Variants in TMEM132D observed in about 807,000 individuals in gnomAD.
The protein encoded by TMEM132D is mature OL transmembrane protein.
A neutral mutation model predicts 62.3 loss-of-function variants in TMEM132D; 21 were observed. The ratio of observed to expected loss-of-function variants is 0.34; its 90% confidence interval spans 0.24 to 0.49. The LOEUF is 0.49. TMEM132D is among the 20% of genes least tolerant of loss of function. TMEM132D has a pLI of 0.99. For missense variants in TMEM132D, 1,346 were observed against 1,402.8 expected (o/e 0.96, Z 0.65); for synonymous variants, 621 against 575.6 (o/e 1.08, Z -1.13).
chr12:129,814,808 T>TG (rs1264861039), intron 1 of TMEM132D, among the ~76,000 whole-genome samples: 1 of 152,064 alleles, frequency 6.6e-6, no homozygotes, highest in Non-Finnish European at 1.5e-5. Context: ...CTCCCAGGAC[T>TG]GTTGCCCAGT....
intron 3 of TMEM132D, among the ~76,000 whole-genome samples, chr12:129,425,557 C>A (rs554578330): frequency 6.6e-6 from 1 of 152,246 alleles, no homozygotes; most frequent in East Asian, 1.9e-4. Context: ...TAATGAACAA[C>A]CTGGCAGTCA....
Position 129,337,743 on chromosome 12 carries a change from T to C in TMEM132D, c.1190A>G (p.Gln397Arg). ...GTACTCGACCTGCCACGTGACCAGC[T>C]GTGTGGCTGGCAGGTCACCAGGCTC... ...VEEPGDLPAT[Q>R]LVTWQVEYPG... The change falls in exon 4 of 9, where the codon CAG becomes CGG. Residue 397 changes from glutamine (Q) to arginine (R), a missense_variant. Coordinates refer to ENST00000422113, the MANE Select transcript of TMEM132D (RefSeq NM_133448.3). 1 of 1,614,188 alleles carries C rather than the reference T, an allele frequency of 6.2e-7. No individual in the cohort carries two copies. Among genetic ancestry groups the C allele is most frequent in the African/African-American group, 1.3e-5 (1 of 75,076 alleles).
chr12:129,186,914 C>A (rs1469798432), intron 5 of TMEM132D, among the ~76,000 whole-genome samples: 2 of 152,228 alleles, frequency 1.3e-5, no homozygotes, highest in Non-Finnish European at 2.9e-5. Flanking sequence ...TTTAGACACA[C>A]TATTTTTGCA....
intron 1 of TMEM132D, among the ~76,000 whole-genome samples, chr12:129,722,502 C>T: frequency 6.6e-6 from 1 of 152,154 alleles, no homozygotes; most frequent in Admixed American, 6.5e-5. Context: ...ACAGAAAGGC[C>T]TAGTCCTCTG....
intron 2 of TMEM132D, among the ~76,000 whole-genome samples, chr12:129,559,381 A>G (rs1199554135): frequency 6.6e-6 from 1 of 152,210 alleles, no homozygotes; most frequent in Non-Finnish European, 1.5e-5. Context: ...ACGTAGCCCA[A>G]TTTAAGACCT....
chr12:129,860,782 G>A (rs1195903213), intron 1 of TMEM132D, among the ~76,000 whole-genome samples: 3 of 152,162 alleles, frequency 2.0e-5, no homozygotes, highest in Non-Finnish European at 2.9e-5. Flanking sequence ...GGAAGCAAAC[G>A]TGTCCTTTTT....
intron 1 of TMEM132D, among the ~76,000 whole-genome samples, chr12:129,900,821 G>A (rs1170861283): frequency 6.6e-6 from 1 of 152,084 alleles, no homozygotes; most frequent in African/African-American, 2.4e-5. Context: ...AAAAATTAGG[G>A]GCCATAGGAC....
Position 129,184,298 on chromosome 12 carries a change from T to A in TMEM132D, c.1443+25222A>T, listed in dbSNP as rs117360269. ...CTTTACCGCTGATAAATTACCAACA[T>A]CAACACAGAAATCGGTCACCTTCCA... On this transcript the variant is annotated intron_variant, in intron 5 of 8. Transcript: ENST00000422113. 2.6e-4 allele frequency among the ~76,000 whole-genome samples: 40 copies of A among 152,270 alleles called. No homozygotes were observed. The East Asian group carries it at 7.4e-3, about 28-fold the overall frequency.
At chr12:129,348,082 T>G (rs891356809) in intron 3 of TMEM132D, among the ~76,000 whole-genome samples, 6 of 152,220 alleles carry the variant, frequency 3.9e-5, no homozygotes, top group African/African-American at 1.4e-4. Flanking sequence ...TGTGGAGAAA[T>G]AGGCACACTT....
intron 3 of TMEM132D, among the ~76,000 whole-genome samples, chr12:129,381,745 C>G (rs1351699254): frequency 6.6e-6 from 1 of 151,958 alleles, no homozygotes; most frequent in Non-Finnish European, 1.5e-5. Context: ...TACAGGAAGG[C>G]ACATGTGGTA....
chr12:129,186,387 G>A (rs1410690910), intron 5 of TMEM132D, among the ~76,000 whole-genome samples: 1 of 152,180 alleles, frequency 6.6e-6, no homozygotes, highest in Admixed American at 6.5e-5. Context: ...AGGCCCCCTG[G>A]TTTCCTTGAG....
intron 2 of TMEM132D, among the ~76,000 whole-genome samples, chr12:129,689,303 G>C (rs78323946): frequency 6.6e-6 from 1 of 152,082 alleles, no homozygotes; most frequent in Non-Finnish European, 1.5e-5. Flanking sequence ...CTTGATTCCT[G>C]ATCAGATATA....
intron 2 of TMEM132D, among the ~76,000 whole-genome samples, chr12:129,647,547 C>A (rs941760643): frequency 3.3e-5 from 5 of 152,148 alleles, no homozygotes; most frequent in African/African-American, 1.2e-4. Context: ...AGTGGTTGCA[C>A]CAATTTACAC....
chr12:129,743,826 G>A (rs1294959345), intron 1 of TMEM132D, among the ~76,000 whole-genome samples: 1 of 152,188 alleles, frequency 6.6e-6, no homozygotes, highest in African/African-American at 2.4e-5. Flanking sequence ...TGAAGGCAGA[G>A]CTTGGAACAG....
intron 2 of TMEM132D, among the ~76,000 whole-genome samples, chr12:129,608,440 T>A (rs931008489): frequency 6.6e-6 from 1 of 152,134 alleles, no homozygotes; most frequent in African/African-American, 2.4e-5. Flanking sequence ...CTAAAAAGGG[T>A]ACCAAGGCTC....
At chr12:129,278,885 G>C (rs1881067057) in intron 4 of TMEM132D, among the ~76,000 whole-genome samples, 1 of 152,128 alleles carries the variant, frequency 6.6e-6, no homozygotes, top group African/African-American at 2.4e-5. Context: ...AAAGGTCACA[G>C]ACATAGGCCT....
At chr12:129,562,262 A>G (rs1030217177) in intron 2 of TMEM132D, among the ~76,000 whole-genome samples, 3 of 152,110 alleles carry the variant, frequency 2.0e-5, no homozygotes, top group African/African-American at 7.2e-5. Flanking sequence ...AAAAGTGGCA[A>G]TGTATTTGCA....
chr12:129,412,157 A>T (rs566185178), intron 3 of TMEM132D, among the ~76,000 whole-genome samples: 127 of 101,556 alleles, frequency 1.3e-3, no homozygotes, highest in Middle Eastern at 5.4e-3. Context: ...AAATTTATTT[A>T]AAAAAAAAAC....
chr12:129,756,685 G>C (rs7305993), intron 1 of TMEM132D, among the ~76,000 whole-genome samples: 76,193 of 152,034 alleles, frequency 0.5, 20,066 homozygotes, highest in Middle Eastern at 0.65. Context: ...AAATTATGTG[G>C]GATGTATATT....
Sources: gnomAD v4.1 joint callset for allele counts (sites outside exome capture counted in the v4.1 genomes callset) on GRCh38, gnomAD v4.1.1 for gene constraint, MANE v1.5 for transcripts, NCBI Gene and HGNC (gene_info 2026-07-23, HGNC 2026-07-21) for gene names.